Variants in MPZL1 observed in about 807,000 individuals in gnomAD.
MPZL1 encodes myelin protein zero like 1, also known as myelin protein zero-like protein 1.
In MPZL1, 16 loss-of-function variants were observed where a neutral mutation model predicts 29.3. The observed-to-expected ratio is 0.55, with a 90% confidence interval of 0.37 to 0.83. MPZL1 has a LOEUF of 0.83. Ranked by LOEUF, MPZL1 falls within the 40% of genes least tolerant of loss-of-function variation. The pLI, the probability that MPZL1 is intolerant of heterozygous loss-of-function variation, is 0.00. For synonymous variants in MPZL1, 143 were observed against 132.0 expected (o/e 1.08, Z -0.57); for missense variants, 279 against 332.9 (o/e 0.84, Z 1.26).
At chr1:167,782,124 A>G (rs1661508738) in intron 5 of MPZL1, among the ~76,000 whole-genome samples, 1 of 152,110 alleles carries the variant, frequency 6.6e-6, no homozygotes. Context: ...CTAATTCCTT[A>G]GCTGTGACTA....
chr1:167,748,452 T>C (rs1660691865), intron 1 of MPZL1, among the ~76,000 whole-genome samples: 1 of 152,214 alleles, frequency 6.6e-6, no homozygotes, highest in African/African-American at 2.4e-5. Flanking sequence ...AGAAATGATA[T>C]TCATGTACAT....
intron 1 of MPZL1, among the ~76,000 whole-genome samples, chr1:167,739,274 C>CATAT (rs201991698): frequency 5.6e-3 from 463 of 82,676 alleles, no homozygotes; most frequent in African/African-American, 9.4e-3. Flanking sequence ...TACATATATA[C>CATAT]ATATATACAT....
intron 1 of MPZL1, 32 bp from the exon 2 acceptor site, chr1:167,765,551 A>G (rs1558120564): frequency 1.3e-6 from 2 of 1,565,482 alleles, no homozygotes; most frequent in Non-Finnish European, 8.7e-7. Context: ...GTTAAGTCCT[A>G]CTTTCAACTA....
In MPZL1 at chr1:167,787,822, C is replaced by G. The variant is rs777080906; in HGVS notation, c.711C>G (p.Gly237=). Residue 237 remains glycine, a splice_region_variant and synonymous_variant, in exon 6 of 6, where the codon GGC becomes GGG. Coordinates refer to ENST00000359523, the MANE Select transcript of MPZL1 (RefSeq NM_003953.6). The part of the protein sequence containing the change: ...VKSLPSGSHQ[G]PVIYAQLDHS... Reference sequence around the variant, plus strand: ...ATCCTTCTGCTTCCCTTTTCCAGGGCCCAGTCATATATGCACAGTTAGACC... The same window carrying G: ...ATCCTTCTGCTTCCCTTTTCCAGGGGCCAGTCATATATGCACAGTTAGACC... The G allele has an allele frequency of 6.2e-5, 100 of 1,610,832 alleles. No individual in the cohort carries two copies. Among genetic ancestry groups the G allele is most frequent in the Non-Finnish European group, 4.8e-5 (57 of 1,177,192 alleles).
chr1:167,773,866 T>G (rs1223162743), intron 4 of MPZL1: 1 of 148,148 alleles, frequency 6.8e-6, no homozygotes, highest in Non-Finnish European at 1.5e-5. Context: ...GAATCTAGCC[T>G]AGGCAACATA....
At chr1:167,755,902 G>GGA (rs149429382) in intron 1 of MPZL1, among the ~76,000 whole-genome samples, 1 of 151,948 alleles carries the variant, frequency 6.6e-6, no homozygotes, top group Admixed American at 6.6e-5. Flanking sequence ...ACCATTTGCA[G>GGA]GAGAGAGAGA....
intron 1 of MPZL1, among the ~76,000 whole-genome samples, chr1:167,739,278 TATAC>T (rs1228861264): frequency 1.2e-3 from 104 of 87,634 alleles, no homozygotes; most frequent in African/African-American, 7.2e-3. Flanking sequence ...TATATACATA[TATAC>T]ATATATATAT....
At chr1:167,731,597 C>G (rs1462631859) in intron 1 of MPZL1, among the ~76,000 whole-genome samples, 1 of 151,934 alleles carries the variant, frequency 6.6e-6, no homozygotes, top group African/African-American at 2.4e-5. Context: ...CCACCACACC[C>G]GGCTAATTTT....
chr1:167,785,947 C>T (rs1215452473), intron 5 of MPZL1, among the ~76,000 whole-genome samples: 1 of 152,174 alleles, frequency 6.6e-6, no homozygotes, highest in Non-Finnish European at 1.5e-5. Context: ...CGCCCACCAC[C>T]ATGCCCGGCG....
At chr1:167,749,225 T>C (rs1176744566) in intron 1 of MPZL1, among the ~76,000 whole-genome samples, 2 of 152,180 alleles carry the variant, frequency 1.3e-5, no homozygotes, top group Non-Finnish European at 2.9e-5. Context: ...GAAAAATACT[T>C]TTGGAGGGAC....
chr1:167,740,133 T>C (rs1660486775), intron 1 of MPZL1, among the ~76,000 whole-genome samples: 1 of 152,206 alleles, frequency 6.6e-6, no homozygotes, highest in Non-Finnish European at 1.5e-5. Flanking sequence ...TCCTTAAGCA[T>C]TTGTTGCTTT....
chr1:167,777,629 C>T (rs1362014077), intron 5 of MPZL1, among the ~76,000 whole-genome samples: 1 of 152,118 alleles, frequency 6.6e-6, no homozygotes, highest in Non-Finnish European at 1.5e-5. Flanking sequence ...AGCGGGGTCC[C>T]CTTGAGTCTT....
At chr1:167,761,999 A>C (rs1458544950) in intron 1 of MPZL1, among the ~76,000 whole-genome samples, 2 of 152,092 alleles carry the variant, frequency 1.3e-5, no homozygotes, top group Non-Finnish European at 2.9e-5. Context: ...GTTTTGGAGG[A>C]TATTGGAAAG....
chr1:167,746,882 A>G (rs1660658301), intron 1 of MPZL1, among the ~76,000 whole-genome samples: 1 of 151,976 alleles, frequency 6.6e-6, no homozygotes, highest in South Asian at 2.1e-4. Flanking sequence ...TTAAGAAAAA[A>G]TAAGTTTGTT....
At chr1:167,771,007 T>C (rs756757034) in intron 2 of MPZL1, among the ~76,000 whole-genome samples, 25 of 151,926 alleles carry the variant, frequency 1.6e-4, no homozygotes, top group Non-Finnish European at 2.5e-4. Flanking sequence ...CATTTCTTTT[T>C]TTTTTTTTTT....
At chr1:167,744,805 T>C (rs540842201) in intron 1 of MPZL1, among the ~76,000 whole-genome samples, 9 of 152,224 alleles carry the variant, frequency 5.9e-5, no homozygotes, top group Non-Finnish European at 1.3e-4. Flanking sequence ...TTTCCACTTG[T>C]TTCGTTAAAT....
intron 1 of MPZL1, among the ~76,000 whole-genome samples, chr1:167,739,980 C>T (rs1660482675): frequency 6.6e-6 from 1 of 152,172 alleles, no homozygotes. Context: ...CTGCTTCCCT[C>T]TCCCGCTCCA....
intron 1 of MPZL1, among the ~76,000 whole-genome samples, chr1:167,757,318 G>T (rs572114405): frequency 1.3e-5 from 2 of 152,214 alleles, no homozygotes; most frequent in Non-Finnish European, 2.9e-5. Flanking sequence ...TGAGGGAATC[G>T]TGTGGAATTT....
intron 5 of MPZL1, among the ~76,000 whole-genome samples, chr1:167,782,509 TTTC>T (rs1443470396): frequency 6.6e-6 from 1 of 152,198 alleles, no homozygotes; most frequent in East Asian, 1.9e-4. Flanking sequence ...AAGATTTGTA[TTTC>T]TTCTGCCTGT....
Sources: allele counts gnomAD v4.1 joint callset (sites outside exome capture counted in the v4.1 genomes callset), GRCh38; gene constraint gnomAD v4.1.1; transcripts MANE v1.5; gene names NCBI Gene and HGNC (gene_info 2026-07-23, HGNC 2026-07-21).